Variants in CACNA1C observed in about 807,000 individuals in gnomAD.
CACNA1C encodes calcium voltage-gated channel subunit alpha1 C, also known as voltage-dependent L-type calcium channel subunit alpha-1C.
Under a neutral mutation model 229.0 loss-of-function variants are expected in CACNA1C, and 30 were observed. The observed-to-expected ratio is 0.13, with a 90% CI of 0.10 to 0.18. CACNA1C has a LOEUF of 0.18. Ranked by LOEUF, CACNA1C falls within the 10% of genes least tolerant of loss-of-function variation. The pLI is 1.00. For synonymous variants in CACNA1C, 1,114 were observed against 1,132.5 expected, an observed-to-expected ratio of 0.98 and a Z score of 0.33; for missense variants, 1,658 against 2,845.0, an observed-to-expected ratio of 0.58 and a Z score of 9.49.
chr12:2,335,691 C>T (rs1020805667), intron 3 of CACNA1C, among the ~76,000 whole-genome samples: 2 of 152,172 alleles, frequency 1.3e-5, no homozygotes, highest in African/African-American at 4.8e-5. Context: ...AGTGCTTCCT[C>T]CCTGCACATC....
intron 10 of CACNA1C, among the ~76,000 whole-genome samples, chr12:2,550,833 G>A (rs1478361858): frequency 6.6e-6 from 1 of 152,184 alleles, no homozygotes; most frequent in Non-Finnish European, 1.5e-5. Flanking sequence ...TGGCCTGGGA[G>A]CCCATGTTGG....
At chr12:2,449,225 C>A in intron 4 of CACNA1C, 110 bp downstream of exon 4, 1 of 728,674 alleles carries the variant, frequency 1.4e-6, no homozygotes, top group African/African-American at 1.8e-5. Context: ...GATTTAGGCT[C>A]GCAGATGATC....
intron 3 of CACNA1C, among the ~76,000 whole-genome samples, chr12:2,226,932 G>A (rs892000222): frequency 2.0e-5 from 3 of 152,228 alleles, no homozygotes; most frequent in African/African-American, 7.2e-5. Context: ...CCCGGTCCAG[G>A]TGGAAGATGC....
chr12:2,336,562 G>T (rs138744055), intron 3 of CACNA1C, among the ~76,000 whole-genome samples: 1 of 152,224 alleles, frequency 6.6e-6, no homozygotes, highest in Non-Finnish European at 1.5e-5. Context: ...ATGAGATGAG[G>T]GCTTAAAGGG....
At chr12:2,526,578 C>T (rs771814025) in intron 9 of CACNA1C, among the ~76,000 whole-genome samples, 1 of 152,244 alleles carries the variant, frequency 6.6e-6, no homozygotes, top group Non-Finnish European at 1.5e-5. Flanking sequence ...CTCTCCTCCT[C>T]CTGCACCCAG....
In CACNA1C at chr12:2,577,709, T is replaced by C. The variant is rs142181368; in HGVS notation, c.1896-3881T>C. Among the ~76,000 whole-genome samples the C allele has an allele frequency of 9.2e-5, 14 of 152,330 alleles. No individual in the cohort carries two copies. The East Asian group carries it at 2.7e-3, about 29-fold the overall frequency. On this transcript the variant is annotated intron_variant, in intron 13 of 46. Transcript: ENST00000399655. ...AAGTACCAATGTGTCATATGAATAG[T>C]AAGGTTCATTCATTCACTGAACAAA...
intron 3 of CACNA1C, among the ~76,000 whole-genome samples, chr12:2,437,937 T>G (rs1418360866): frequency 7.0e-6 from 1 of 143,580 alleles, no homozygotes; most frequent in Non-Finnish European, 1.5e-5. Flanking sequence ...GTGGTGGCAG[T>G]GGAGTGGTGG....
chr12:2,108,038 A>G lies in CACNA1C; in HGVS notation c.50-7186A>G, dbSNP rs1247924186. ...CGTGCTAGCTACATTTCAGGTGCTC[A>G]GGAGCTGCGTATGACTGGTAGCAAG... On this transcript the variant is annotated intron_variant, in intron 1 of 46. Transcript: ENST00000399655. This position sits in a 1 kb window ranked among gnomAD's most constrained non-coding sequence, Gnocchi z 5.3. Among the ~76,000 whole-genome samples, 4 of 152,242 alleles carry G rather than the reference A, an allele frequency of 2.6e-5. No individual in the cohort carries two copies. Among genetic ancestry groups the G allele is most frequent in the Non-Finnish European group, 5.9e-5 (4 of 68,046 alleles).
chr12:2,046,181 A>G (rs2051005283), intron 1 of CACNA1C, among the ~76,000 whole-genome samples: 2 of 152,220 alleles, frequency 1.3e-5, no homozygotes, highest in East Asian at 1.9e-4. Context: ...GTAATTTGCT[A>G]TGGCAAAAAC....
chr12:2,171,573 C>T (rs2096482540), intron 3 of CACNA1C, among the ~76,000 whole-genome samples: 1 of 152,208 alleles, frequency 6.6e-6, no homozygotes, highest in Admixed American at 6.5e-5. Context: ...CTCTTCTTTC[C>T]TCCCTCCCTT....
chr12:2,110,789 T>G (rs577557652), intron 1 of CACNA1C, among the ~76,000 whole-genome samples: 96 of 152,330 alleles, frequency 6.3e-4, no homozygotes, highest in Non-Finnish European at 1.1e-3. Context: ...ATAGAACGTT[T>G]CCATTACTGT....
Position 2,605,144 on chromosome 12 carries a change from C to A in CACNA1C, c.3024C>A (p.Ala1008=). The part of the protein sequence containing the change: ...RVLRVLRPLR[A]INRAKGLKHV... Reference sequence around the variant, plus strand: ...TGCGAGTACTCAGGCCCCTGAGGGCCATCAACAGGGCCAAGGGGCTAAAGG... The same window carrying A: ...TGCGAGTACTCAGGCCCCTGAGGGCAATCAACAGGGCCAAGGGGCTAAAGG... Residue 1008 remains alanine, a synonymous_variant, in exon 23 of 47, where the codon GCC becomes GCA. Coordinates refer to ENST00000399655, the MANE Select transcript of CACNA1C (RefSeq NM_000719.7). The surrounding 1 kb of genome is among the most constrained non-coding windows in gnomAD (Gnocchi z 6.2). 6.2e-7 allele frequency: 1 copy of A among 1,613,210 alleles called. No homozygotes were observed.
At chr12:2,509,344 A>T (rs906818034) in intron 8 of CACNA1C, among the ~76,000 whole-genome samples, 1 of 152,150 alleles carries the variant, frequency 6.6e-6, no homozygotes, top group Non-Finnish European at 1.5e-5. Context: ...CATGTTATGG[A>T]ATGTAACCCT....
chr12:2,279,421 A>G (rs1314614759), intron 3 of CACNA1C, among the ~76,000 whole-genome samples: 2 of 152,218 alleles, frequency 1.3e-5, no homozygotes, highest in Non-Finnish European at 2.9e-5. Context: ...CTGCATTTCC[A>G]TATGAATTTT....
chr12:2,484,766 G>A (rs893814142), intron 5 of CACNA1C, among the ~76,000 whole-genome samples: 2 of 144,650 alleles, frequency 1.4e-5, no homozygotes, highest in South Asian at 2.2e-4. Flanking sequence ...CTTTCTTCGC[G>A]GCTCTGCATA....
At chr12:2,547,276 T>A (rs2099883071) in intron 9 of CACNA1C, among the ~76,000 whole-genome samples, 1 of 152,218 alleles carries the variant, frequency 6.6e-6, no homozygotes. Flanking sequence ...TTGTGTTATG[T>A]TTTCCTGTAT....
At chr12:2,037,528 GAA>G (rs1025028017) in intron 1 of CACNA1C, among the ~76,000 whole-genome samples, 1 of 152,184 alleles carries the variant, frequency 6.6e-6, no homozygotes, top group Admixed American at 6.5e-5. Context: ...CTGAAGGGGA[GAA>G]AAGGGTCAGA....
At chr12:2,310,863 C>T (rs931039755) in intron 3 of CACNA1C, among the ~76,000 whole-genome samples, 60 of 152,236 alleles carry the variant, frequency 3.9e-4, no homozygotes, top group African/African-American at 1.3e-3. Context: ...CTGTGAATCC[C>T]GGAAGGTGCA....
At chr12:1,996,067 C>T (rs148910262) in intron 1 of CACNA1C, among the ~76,000 whole-genome samples, 43 of 152,268 alleles carry the variant, frequency 2.8e-4, no homozygotes, top group African/African-American at 1.0e-3. Flanking sequence ...AAAATTTCAC[C>T]ATTGCAATAC....
Sources: allele counts gnomAD v4.1 joint callset (sites outside exome capture counted in the v4.1 genomes callset), GRCh38; gene constraint gnomAD v4.1.1; non-coding constraint Gnocchi (gnomAD v3.1); transcripts MANE v1.5; gene names NCBI Gene and HGNC (gene_info 2026-07-23, HGNC 2026-07-21).